SLC25A14: variants seen among roughly 807,000 people sequenced by gnomAD.
SLC25A14 encodes the protein solute carrier family 25 member 14, also known as brain mitochondrial carrier protein 1.
Under a neutral mutation model 28.1 loss-of-function variants are expected in SLC25A14, and 8 were observed. The ratio of observed to expected loss-of-function variants is 0.28; its 90% CI spans 0.17 to 0.51. The LOEUF is 0.51. SLC25A14 is among the 20% of genes least tolerant of loss of function. The pLI, the probability that SLC25A14 is intolerant of heterozygous loss-of-function variation, is 0.97. For synonymous variants in SLC25A14, 74 were observed against 90.6 expected, an observed-to-expected ratio of 0.82 and a Z score of 1.04; for missense variants, 135 against 263.8, an observed-to-expected ratio of 0.51 and a Z score of 3.38.
intron 9 of SLC25A14, among the ~76,000 whole-genome samples, chrX:130,370,546 C>A (rs2034238458): frequency 1.8e-5 from 2 of 111,687 alleles, no homozygotes; most frequent in African/African-American, 6.5e-5. Flanking sequence ...GTATATAAGA[C>A]CCCTGTTGTA....
intron 5 of SLC25A14, 122 bp downstream of exon 5, chrX:130,349,467 G>A (rs1312612140): frequency 2.8e-5 from 11 of 397,229 alleles, no homozygotes; most frequent in Non-Finnish European, 4.9e-5. Flanking sequence ...GACAAAGTGA[G>A]CTTGTTCTAA....
chrX:130,368,166 G>A (rs1460441548), intron 9 of SLC25A14, among the ~76,000 whole-genome samples: 2 of 112,388 alleles, frequency 1.8e-5, no homozygotes, highest in Non-Finnish European at 3.8e-5. Flanking sequence ...TGTCATGGGA[G>A]CCAAAGAAGT....
At chrX:130,352,714 C>T (rs1157741848) in intron 6 of SLC25A14, among the ~76,000 whole-genome samples, 1 of 112,327 alleles carries the variant, frequency 8.9e-6, no homozygotes, top group African/African-American at 3.2e-5. Context: ...TGTATGTCTT[C>T]TTTTGAGAAG....
At chrX:130,343,320 A>G (rs1006128404) in intron 2 of SLC25A14, among the ~76,000 whole-genome samples, 10 of 112,063 alleles carry the variant, frequency 8.9e-5, no homozygotes, top group African/African-American at 3.2e-4. Context: ...ATATTTTACT[A>G]TCAATTCTAA....
intron 1 of SLC25A14, 59 bp downstream of exon 1, chrX:130,340,035 C>A: frequency 1.0e-6 from 1 of 991,287 alleles, no homozygotes; most frequent in Non-Finnish European, 1.3e-6. Context: ...CGCCAGGCCG[C>A]GCGGGGCCGG....
At chrX:130,367,876 G>A (rs749287684) in intron 9 of SLC25A14, among the ~76,000 whole-genome samples, 4 of 112,095 alleles carry the variant, frequency 3.6e-5, no homozygotes, top group South Asian at 3.7e-4. Context: ...TCTGCCTCCC[G>A]TGTTCAAGCA....
At chrX:130,354,882 A>G (rs2033742936) in intron 6 of SLC25A14, among the ~76,000 whole-genome samples, 1 of 112,365 alleles carries the variant, frequency 8.9e-6, no homozygotes, top group African/African-American at 3.2e-5. Flanking sequence ...TTTAGTCTGT[A>G]TAGTTGAAGT....
chrX:130,341,661 T>G (rs2124741844), intron 2 of SLC25A14, among the ~76,000 whole-genome samples: 1 of 112,576 alleles, frequency 8.9e-6, no homozygotes, highest in Admixed American at 9.4e-5. Context: ...TTCTCCGAAG[T>G]CAGATCTTCA....
chrX:130,353,090 A>G (rs767758618), intron 6 of SLC25A14, among the ~76,000 whole-genome samples: 15 of 112,067 alleles, frequency 1.3e-4, no homozygotes, highest in Admixed American at 4.7e-4. Flanking sequence ...ATTTTTGTAT[A>G]TGGTGAAAGG....
chrX:130,359,352 CAAAA>C (rs55826694), intron 7 of SLC25A14, among the ~76,000 whole-genome samples: 4 of 26,235 alleles, frequency 1.5e-4, no homozygotes, highest in Non-Finnish European at 3.0e-4. Context: ...GACTCTGTCT[CAAAA>C]AAAAAAAAAA....
intron 3 of SLC25A14, 126 bp from the exon 4 acceptor site, chrX:130,346,418 G>C (rs949632600): frequency 3.8e-6 from 2 of 524,668 alleles, no homozygotes; most frequent in East Asian, 6.6e-5. Context: ...TATTCTACTA[G>C]AGCTCTTCTA....
chrX:130,365,330 G>T, intron 8 of SLC25A14: 2 of 981,888 alleles, frequency 2.0e-6, no homozygotes, highest in South Asian at 3.9e-5. Flanking sequence ...TAAAAAAAAG[G>T]CTGAGTTTCA....
chrX:130,361,046 T>G (rs1416660762), intron 7 of SLC25A14, among the ~76,000 whole-genome samples: 1 of 112,407 alleles, frequency 8.9e-6, no homozygotes. Context: ...TATCTTTTTG[T>G]GACTGGCTGA....
At chrX:130,358,927 G>A (rs1247990170) in intron 7 of SLC25A14, 192 bp downstream of exon 7, 1 of 759,744 alleles carries the variant, frequency 1.3e-6, no homozygotes, top group East Asian at 3.7e-5. Flanking sequence ...GGATTATATA[G>A]GTGGGGAAAG....
At chrX:130,358,060 AT>A (rs976765471) in intron 6 of SLC25A14, among the ~76,000 whole-genome samples, 7 of 112,201 alleles carry the variant, frequency 6.2e-5, no homozygotes, top group African/African-American at 2.3e-4. Context: ...CACTGTAAGT[AT>A]TTAGTTTTAT....
At chrX:130,347,875 A>G (rs1315451010) in intron 4 of SLC25A14, among the ~76,000 whole-genome samples, 2 of 111,327 alleles carry the variant, frequency 1.8e-5, no homozygotes, top group Non-Finnish European at 3.8e-5. Flanking sequence ...TTAGTTGGGA[A>G]GCATTCCCTC....
intron 6 of SLC25A14, among the ~76,000 whole-genome samples, chrX:130,354,352 A>T (rs1172818129): frequency 9.0e-6 from 1 of 111,287 alleles, no homozygotes; most frequent in Non-Finnish European, 1.9e-5. Flanking sequence ...TGACCTCGTG[A>T]TCCACCCGCC....
At chrX:130,368,005 T>C (rs1669415707) in intron 9 of SLC25A14, among the ~76,000 whole-genome samples, 2 of 112,307 alleles carry the variant, frequency 1.8e-5, no homozygotes, top group African/African-American at 6.5e-5. Context: ...GGTCTCGAAC[T>C]CCTAACCTCG....
At chrX:130,361,770 G>A (rs745689064) in intron 7 of SLC25A14, among the ~76,000 whole-genome samples, 1 of 112,184 alleles carries the variant, frequency 8.9e-6, no homozygotes, top group East Asian at 2.8e-4. Context: ...TTGCTGCCAT[G>A]CGTTGATGGT....
Sources: allele counts gnomAD v4.1 joint callset (sites outside exome capture counted in the v4.1 genomes callset), GRCh38; gene constraint gnomAD v4.1.1; transcripts MANE v1.5; gene names NCBI Gene and HGNC (gene_info 2026-07-23, HGNC 2026-07-21).